The following FARS2 variants were observed in gnomAD, a reference collection of about 807,000 sequenced individuals.
The protein encoded by FARS2 is phenylalanyl-tRNA synthetase 2, mitochondrial, also known as phenylalanine--tRNA ligase, mitochondrial.
In FARS2, 40 loss-of-function variants were observed where a neutral mutation model predicts 46.4. The ratio of observed to expected loss-of-function variants is 0.86; its 90% confidence interval spans 0.67 to 1.12. The LOEUF (loss-of-function observed/expected upper bound fraction) is 1.12. Ranked by LOEUF, FARS2 falls within the 50% of genes most tolerant of loss-of-function variation. FARS2 has a pLI of 0.00. For missense variants in FARS2, 513 were observed against 567.9 expected (o/e 0.90, Z 0.98); for synonymous variants, 234 against 214.9 (o/e 1.09, Z -0.78).
At chr6:5,684,972 GC>G (rs1429184986) in intron 6 of FARS2, among the ~76,000 whole-genome samples, 4 of 152,116 alleles carry the variant, frequency 2.6e-5, no homozygotes, top group African/African-American at 9.7e-5. Flanking sequence ...GAGCCGGAGA[GC>G]AATTTTCTTT....
At chr6:5,531,622 G>C (rs1026554449) in intron 4 of FARS2, among the ~76,000 whole-genome samples, 1 of 152,206 alleles carries the variant, frequency 6.6e-6, no homozygotes, top group Admixed American at 6.5e-5. Flanking sequence ...AGAGAGGTCT[G>C]CCTTTGGATT....
At chr6:5,317,270 C>T (rs1769591658) in intron 1 of FARS2, among the ~76,000 whole-genome samples, 1 of 152,124 alleles carries the variant, frequency 6.6e-6, no homozygotes, top group Non-Finnish European at 1.5e-5. Context: ...TAGTATTCGA[C>T]AAAAAATCAC....
intron 4 of FARS2, among the ~76,000 whole-genome samples, chr6:5,509,865 A>T (rs1397774361): frequency 2.0e-5 from 3 of 152,240 alleles, no homozygotes; most frequent in Non-Finnish European, 4.4e-5. Flanking sequence ...ACACTCCTCT[A>T]CATGTTTATA....
At chr6:5,428,076 C>T (rs971236360) in intron 3 of FARS2, among the ~76,000 whole-genome samples, 3 of 152,168 alleles carry the variant, frequency 2.0e-5, no homozygotes, top group Non-Finnish European at 2.9e-5. Context: ...CCTGTCTCTG[C>T]GGAGACGCGG....
Position 5,347,079 on chromosome 6 carries a change from A to G in FARS2, c.-21-21471A>G, listed in dbSNP as rs1581843534. 3.3e-5 allele frequency among the ~76,000 whole-genome samples: 5 copies of G among 152,022 alleles called. 1 individual carries two copies. Among genetic ancestry groups the G allele is most frequent in the Middle Eastern group, 3.4e-3 (1 of 294 alleles). ...CAGTCACCCACCACCACACCTGGCT[A>G]ATTTTTGTATTTTTAGTAGAGATGA... On this transcript the variant is annotated intron_variant, in intron 1 of 6. Coordinates refer to ENST00000274680, the MANE Select transcript of FARS2 (RefSeq NM_006567.5).
chr6:5,344,560 C>T (rs1757106895), intron 1 of FARS2, among the ~76,000 whole-genome samples: 1 of 152,086 alleles, frequency 6.6e-6, no homozygotes, highest in African/African-American at 2.4e-5. Flanking sequence ...TCCTTGAAGC[C>T]TTTGTGTGTA....
intron 4 of FARS2, among the ~76,000 whole-genome samples, chr6:5,506,273 C>T (rs1238042982): frequency 3.3e-5 from 5 of 152,098 alleles, no homozygotes; most frequent in Non-Finnish European, 7.4e-5. Flanking sequence ...GAGCTCCTAG[C>T]GGGACTCAGT....
intron 3 of FARS2, among the ~76,000 whole-genome samples, chr6:5,405,787 C>T (rs575394287): frequency 1.3e-5 from 2 of 151,638 alleles, no homozygotes; most frequent in Non-Finnish European, 2.9e-5. Flanking sequence ...CCACGGCGCC[C>T]GGCCCAGTGG....
At chr6:5,354,946 T>C (rs1757820978) in intron 1 of FARS2, among the ~76,000 whole-genome samples, 1 of 152,204 alleles carries the variant, frequency 6.6e-6, no homozygotes, top group Non-Finnish European at 1.5e-5. Flanking sequence ...TAACATCTTC[T>C]CTGGTGATGT....
At chr6:5,450,033 T>C (rs1227487835) in intron 4 of FARS2, among the ~76,000 whole-genome samples, 1 of 152,238 alleles carries the variant, frequency 6.6e-6, no homozygotes, top group Non-Finnish European at 1.5e-5. Context: ...GGGTTTTGCA[T>C]CCTGCAAATA....
chr6:5,549,457 T>C (rs1316462786), intron 5 of FARS2, among the ~76,000 whole-genome samples: 2 of 152,184 alleles, frequency 1.3e-5, no homozygotes, highest in African/African-American at 4.8e-5. Flanking sequence ...TTGTGAACTG[T>C]CACCTTTTCC....
chr6:5,417,574 CCT>C lies in FARS2; in HGVS notation c.772+12874_772+12875del, dbSNP rs149144810. The stretch of plus-strand genomic sequence containing the variant: ...TATTCCTAGATCTCTTCTCACTTGC[CCT>C]GTTTCCTGTGAGAAATCTGCTCTTA... On this transcript the variant is annotated intron_variant, in intron 3 of 6. Transcript: ENST00000274680. 2.2e-4 allele frequency among the ~76,000 whole-genome samples: 33 copies of C among 152,180 alleles called. No homozygotes were observed. The East Asian group carries it at 5.4e-3, about 25-fold the overall frequency.
chr6:5,533,992 C>CTT (rs1452593605), intron 4 of FARS2, among the ~76,000 whole-genome samples: 1 of 152,182 alleles, frequency 6.6e-6, no homozygotes, highest in Non-Finnish European at 1.5e-5. Context: ...CCTTAGTTAA[C>CTT]TATTTCTAAA....
intron 2 of FARS2, among the ~76,000 whole-genome samples, chr6:5,388,925 C>G (rs1392559343): frequency 3.3e-5 from 5 of 152,138 alleles, no homozygotes; most frequent in Non-Finnish European, 5.9e-5. Context: ...TCCCTTTTGT[C>G]ATACTTGTCC....
intron 4 of FARS2, chr6:5,466,860 T>G (rs1765542980): frequency 2.0e-6 from 2 of 985,344 alleles, no homozygotes; most frequent in Non-Finnish European, 2.4e-6. Flanking sequence ...CAGCAGCCCA[T>G]GCTGGCTCTT....
chr6:5,251,208 A>G, the FARS2 span, among the ~76,000 whole-genome samples: 2 of 152,214 alleles, frequency 1.3e-5, no homozygotes, highest in Non-Finnish European at 2.9e-5. Context: ...TTTTCAAGAA[A>G]TATTAGGAAG....
intron 2 of FARS2, among the ~76,000 whole-genome samples, chr6:5,392,561 T>G (rs901179162): frequency 1.3e-5 from 2 of 151,966 alleles, no homozygotes; most frequent in Non-Finnish European, 2.9e-5. Flanking sequence ...GAAAGTATTA[T>G]GTAGTTATTA....
intron 1 of FARS2, among the ~76,000 whole-genome samples, chr6:5,344,792 CTT>C (rs757967957): frequency 1.9e-4 from 27 of 143,518 alleles, no homozygotes; most frequent in Admixed American, 4.9e-4. Flanking sequence ...TTTCTTTTCT[CTT>C]TTTTTTTTTT....
chr6:5,599,024 C>T (rs913529086), intron 5 of FARS2, among the ~76,000 whole-genome samples: 7 of 152,178 alleles, frequency 4.6e-5, no homozygotes, highest in Non-Finnish European at 1.0e-4. Flanking sequence ...CTCAGTTTTA[C>T]CTTGCAGCAT....
Sources: gnomAD v4.1 joint callset for allele counts (sites outside exome capture counted in the v4.1 genomes callset) on GRCh38, gnomAD v4.1.1 for gene constraint, MANE v1.5 for transcripts, NCBI Gene and HGNC (gene_info 2026-07-23, HGNC 2026-07-21) for gene names.